Variants in RGPD2 observed in about 807,000 individuals in gnomAD.
The protein encoded by RGPD2 is RANBP2 like and GRIP domain containing 2, also known as RANBP2-like and GRIP domain-containing protein 2.
In RGPD2, 2 loss-of-function variants were observed where a neutral mutation model predicts 36.0. The observed-to-expected ratio is 0.06, with a 90% CI of 0.02 to 0.17. RGPD2 has a LOEUF of 0.17. Ranked by LOEUF, RGPD2 falls within the 10% of genes least tolerant of loss-of-function variation. RGPD2 has a pLI of 1.00. For missense variants in RGPD2, 40 were observed against 464.3 expected (o/e 0.09, Z 8.40); for synonymous variants, 19 against 163.8 (o/e 0.12, Z 6.75).
At chr2:87,760,892 T>C (rs957002496) in intron 22 of RGPD2, among the ~76,000 whole-genome samples, 3 of 150,006 alleles carry the variant, frequency 2.0e-5, no homozygotes, top group Admixed American at 6.6e-5. Flanking sequence ...GCTGGCATTA[T>C]AGGCGTAAGC....
chr2:87,971,577 C>G, the RGPD2 span, among the ~76,000 whole-genome samples: 1 of 144,356 alleles, frequency 6.9e-6, no homozygotes, highest in Non-Finnish European at 1.5e-5. Flanking sequence ...CATGAGGGTT[C>G]CAAATCTAGG....
chr2:87,769,147 G>T (rs1201281005), intron 22 of RGPD2, among the ~76,000 whole-genome samples: 1 of 89,544 alleles, frequency 1.1e-5, no homozygotes, highest in Non-Finnish European at 2.3e-5. Flanking sequence ...TTTGTATTCT[G>T]AGTAGAGACG....
chr2:87,830,180 G>A (rs1238724085), upstream of RGPD2, among the ~76,000 whole-genome samples: 6 of 152,028 alleles, frequency 3.9e-5, no homozygotes, highest in Non-Finnish European at 7.4e-5. Flanking sequence ...TCACACTGAT[G>A]CAAGAGGTAG....
chr2:87,930,830 CA>C, the RGPD2 span, among the ~76,000 whole-genome samples: 9 of 110,134 alleles, frequency 8.2e-5, no homozygotes, highest in Admixed American at 8.1e-4. Context: ...CCATTTCTTC[CA>C]GTTTTTTTTT....
the RGPD2 span, among the ~76,000 whole-genome samples, chr2:87,885,876 A>G: frequency 6.6e-6 from 1 of 151,784 alleles, no homozygotes; most frequent in Non-Finnish European, 1.5e-5. Context: ...TTTCAAAAAA[A>G]CTTCTAAATG....
At chr2:87,839,141 G>C in the RGPD2 span, among the ~76,000 whole-genome samples, 1 of 150,806 alleles carries the variant, frequency 6.6e-6, no homozygotes, top group Non-Finnish European at 1.5e-5. Flanking sequence ...AAGGTCTAAT[G>C]TTCAGAATCT....
At chr2:87,841,330 A>G in the RGPD2 span, among the ~76,000 whole-genome samples, 2 of 152,130 alleles carry the variant, frequency 1.3e-5, no homozygotes, top group Non-Finnish European at 2.9e-5. Flanking sequence ...AGCAGTTGCT[A>G]TTAATAGCAC....
At chr2:87,961,522 G>C in the RGPD2 span, among the ~76,000 whole-genome samples, 1 of 151,826 alleles carries the variant, frequency 6.6e-6, no homozygotes, top group Admixed American at 6.6e-5. Flanking sequence ...CCAACATGGC[G>C]AAAGCCCATC....
At chr2:87,966,107 T>TG in the RGPD2 span, among the ~76,000 whole-genome samples, 1 of 149,226 alleles carries the variant, frequency 6.7e-6, no homozygotes, top group Non-Finnish European at 1.5e-5. Flanking sequence ...TCTGACCTCC[T>TG]GGTCAGAATA....
At chr2:87,834,798 A>G in the RGPD2 span, among the ~76,000 whole-genome samples, 1 of 152,192 alleles carries the variant, frequency 6.6e-6, no homozygotes, top group East Asian at 1.9e-4. Context: ...TCACACGAAC[A>G]TGAGGATTTT....
the RGPD2 span, among the ~76,000 whole-genome samples, chr2:87,856,662 T>C: frequency 6.6e-6 from 1 of 151,914 alleles, no homozygotes; most frequent in African/African-American, 2.4e-5. Context: ...ATGGCCCAGC[T>C]GCTTATGTTG....
chr2:87,933,534 C>A, the RGPD2 span, among the ~76,000 whole-genome samples: 1 of 150,008 alleles, frequency 6.7e-6, no homozygotes, highest in Non-Finnish European at 1.5e-5. Flanking sequence ...AAATTAGTGT[C>A]TTAATAGATA....
the RGPD2 span, among the ~76,000 whole-genome samples, chr2:87,988,541 A>ATATATATATATATATATATATATATT: frequency 1.8e-5 from 1 of 54,150 alleles, no homozygotes; most frequent in Non-Finnish European, 4.2e-5. Context: ...ATATATATAT[A>ATATATATATATATATATATATATATT]TTTTTTTTTT....
the RGPD2 span, among the ~76,000 whole-genome samples, chr2:87,874,013 C>A: frequency 6.6e-6 from 1 of 151,780 alleles, no homozygotes; most frequent in Non-Finnish European, 1.5e-5. Flanking sequence ...TGTTTGTTGG[C>A]CATATGAATG....
At chr2:87,982,993 GA>G in the RGPD2 span, among the ~76,000 whole-genome samples, 2 of 104,068 alleles carry the variant, frequency 1.9e-5, no homozygotes, top group Non-Finnish European at 4.0e-5. Context: ...CAGAAAAATT[GA>G]GGATAATGTC....
chr2:87,961,270 G>A, the RGPD2 span, among the ~76,000 whole-genome samples: 3 of 152,170 alleles, frequency 2.0e-5, no homozygotes, highest in Non-Finnish European at 4.4e-5. Context: ...CAAGAGGAAA[G>A]CGCCTGAAAG....
chr2:87,887,276 T>C, the RGPD2 span, among the ~76,000 whole-genome samples: 1 of 151,740 alleles, frequency 6.6e-6, no homozygotes, highest in African/African-American at 2.4e-5. Context: ...CTATATCTTA[T>C]TGATCGAAAC....
the RGPD2 span, among the ~76,000 whole-genome samples, chr2:87,961,364 G>C: frequency 1.6e-4 from 24 of 151,918 alleles, no homozygotes; most frequent in Non-Finnish European, 3.1e-4. Context: ...GTCGGCGCTC[G>C]AGCTGCACTC....
the RGPD2 span, among the ~76,000 whole-genome samples, chr2:87,939,727 G>A: frequency 6.6e-6 from 1 of 151,966 alleles, no homozygotes; most frequent in Non-Finnish European, 1.5e-5. Flanking sequence ...ATTTAGTATA[G>A]AAATGAGACA....
Sources: gnomAD v4.1 joint callset for allele counts (sites outside exome capture counted in the v4.1 genomes callset) on GRCh38, gnomAD v4.1.1 for gene constraint, MANE v1.5 for transcripts, NCBI Gene and HGNC (gene_info 2026-07-23, HGNC 2026-07-21) for gene names.